RSPO2: variants seen among roughly 807,000 people sequenced by gnomAD.
RSPO2 encodes R-spondin-2.
Under a neutral mutation model 30.9 loss-of-function variants are expected in RSPO2, and 14 were observed. That is an observed-to-expected ratio of 0.45 (90% CI 0.30 to 0.71). The LOEUF is 0.71. Among genes scored for constraint, RSPO2 ranks in the 30% least tolerant of loss-of-function variants. RSPO2 has a pLI of 0.08. For missense variants in RSPO2, 264 were observed against 301.9 expected, an observed-to-expected ratio of 0.87 and a Z score of 0.93; for synonymous variants, 107 against 96.4, an observed-to-expected ratio of 1.11 and a Z score of -0.64.
chr8:107,969,029 C>T (rs1261762180), intron 3 of RSPO2, among the ~76,000 whole-genome samples: 1 of 152,042 alleles, frequency 6.6e-6, no homozygotes, highest in Non-Finnish European at 1.5e-5. Flanking sequence ...CTGCTTTGAA[C>T]ATTAGGAACC....
intron 3 of RSPO2, among the ~76,000 whole-genome samples, chr8:107,968,527 A>G (rs1004966346): frequency 6.6e-6 from 1 of 152,086 alleles, no homozygotes; most frequent in Non-Finnish European, 1.5e-5. Context: ...ATTCAATAGT[A>G]CAGTAGGAAA....
intron 2 of RSPO2, chr8:108,081,949 G>GAA (rs71308778): frequency 1.0e-6 from 1 of 984,848 alleles, no homozygotes. Context: ...GCAGTTTCCA[G>GAA]AAAAAAGAGA....
At chr8:108,003,251 A>ATGTG (rs1171593916) in intron 2 of RSPO2, among the ~76,000 whole-genome samples, 11 of 22,750 alleles carry the variant, frequency 4.8e-4, no homozygotes, top group East Asian at 4.0e-3. Context: ...GTATGTATGT[A>ATGTG]TGTGTGTGTG....
chr8:107,952,729 C>T (rs147549387), intron 5 of RSPO2, among the ~76,000 whole-genome samples: 54 of 152,226 alleles, frequency 3.5e-4, no homozygotes, highest in African/African-American at 1.3e-3. Context: ...AATCTACAAC[C>T]ATCTTTAGTC....
intron 2 of RSPO2, among the ~76,000 whole-genome samples, chr8:108,022,780 C>G (rs189435400): frequency 0.012 from 1,834 of 152,022 alleles, 44 homozygotes; most frequent in African/African-American, 0.042. Flanking sequence ...ACAAAATTAG[C>G]CGGGCGTGGT....
chr8:108,050,590 G>C (rs1812052121), intron 2 of RSPO2, among the ~76,000 whole-genome samples: 1 of 152,048 alleles, frequency 6.6e-6, no homozygotes, highest in South Asian at 2.1e-4. Flanking sequence ...TTTTAATTTT[G>C]AAGTAACAAA....
chr8:108,014,613 A>T (rs941396131), intron 2 of RSPO2, among the ~76,000 whole-genome samples: 9 of 152,010 alleles, frequency 5.9e-5, no homozygotes, highest in East Asian at 1.9e-4. Flanking sequence ...TAAACACCGC[A>T]TGTTCTCATT....
At chr8:107,944,578 T>A (rs1282093129) in intron 5 of RSPO2, among the ~76,000 whole-genome samples, 4 of 152,172 alleles carry the variant, frequency 2.6e-5, no homozygotes, top group Admixed American at 6.6e-5. Context: ...AAAAAAATCT[T>A]AATTGCATTA....
At chr8:108,078,326 A>T (rs1190140323) in intron 2 of RSPO2, among the ~76,000 whole-genome samples, 1 of 152,208 alleles carries the variant, frequency 6.6e-6, no homozygotes, top group African/African-American at 2.4e-5. Flanking sequence ...AGCCAATCAA[A>T]AAAGAGAAAA....
chr8:107,910,860 C>G (rs1811799117), intron 5 of RSPO2, among the ~76,000 whole-genome samples: 1 of 152,022 alleles, frequency 6.6e-6, no homozygotes, highest in Non-Finnish European at 1.5e-5. Context: ...GAGTTCAAGA[C>G]CAGCCTGGAC....
intron 5 of RSPO2, among the ~76,000 whole-genome samples, chr8:107,918,462 AC>A (rs1397821293): frequency 6.6e-6 from 1 of 152,062 alleles, no homozygotes; most frequent in African/African-American, 2.4e-5. Context: ...AGTCACTAAG[AC>A]CCTCTTGAGA....
chr8:107,981,228 A>G (rs1305355211), intron 3 of RSPO2, among the ~76,000 whole-genome samples: 1 of 152,144 alleles, frequency 6.6e-6, no homozygotes. Flanking sequence ...ACATTATTCA[A>G]GAATGACAGG....
intron 5 of RSPO2, among the ~76,000 whole-genome samples, chr8:107,907,734 G>A (rs1811696673): frequency 6.6e-6 from 1 of 152,026 alleles, no homozygotes; most frequent in South Asian, 2.1e-4. Flanking sequence ...ACCTGCACAG[G>A]TTTACACTAA....
At chr8:108,035,127 A>G (rs1438218884) in intron 2 of RSPO2, among the ~76,000 whole-genome samples, 4 of 152,232 alleles carry the variant, frequency 2.6e-5, no homozygotes, top group Non-Finnish European at 4.4e-5. Flanking sequence ...AATATAACAG[A>G]AAGACCAAAA....
intron 5 of RSPO2, among the ~76,000 whole-genome samples, chr8:107,918,850 G>GA (rs1812063055): frequency 1.3e-5 from 2 of 151,980 alleles, no homozygotes; most frequent in South Asian, 4.1e-4. Flanking sequence ...ACTGGAGAGA[G>GA]AAAAAAATAT....
At chr8:108,008,201 T>C (rs1815523175) in intron 2 of RSPO2, among the ~76,000 whole-genome samples, 1 of 152,180 alleles carries the variant, frequency 6.6e-6, no homozygotes, top group South Asian at 2.1e-4. Flanking sequence ...TTGTTTTATC[T>C]GCACCAATTT....
At chr8:108,052,441 G>A (rs1034924809) in intron 2 of RSPO2, among the ~76,000 whole-genome samples, 11 of 152,030 alleles carry the variant, frequency 7.2e-5, no homozygotes, top group Non-Finnish European at 1.2e-4. Context: ...TGATAAAATT[G>A]TACCTTTTCT....
chr8:108,014,505 T>C (rs910876362), intron 2 of RSPO2, among the ~76,000 whole-genome samples: 1 of 152,154 alleles, frequency 6.6e-6, no homozygotes, highest in Non-Finnish European at 1.5e-5. Flanking sequence ...CATGGAATAC[T>C]ATGCAGCCAT....
chr8:108,025,786 T>G (rs1340246409), intron 2 of RSPO2, among the ~76,000 whole-genome samples: 1 of 152,072 alleles, frequency 6.6e-6, no homozygotes, highest in East Asian at 1.9e-4. Flanking sequence ...CCTCCCAAGG[T>G]GGTGGAGTTA....
Sources: allele counts gnomAD v4.1 joint callset (sites outside exome capture counted in the v4.1 genomes callset), GRCh38; gene constraint gnomAD v4.1.1; transcripts MANE v1.5; gene names NCBI Gene and HGNC (gene_info 2026-07-23, HGNC 2026-07-21).